ZFP64: variants seen among roughly 807,000 people sequenced by gnomAD.
ZFP64 encodes the protein ZFP64 zinc finger protein.
In ZFP64, 14 loss-of-function variants were observed where a neutral mutation model predicts 51.6. The observed-to-expected ratio is 0.27, with a 90% confidence interval of 0.18 to 0.42. The LOEUF (loss-of-function observed/expected upper bound fraction) is 0.42. Ranked by LOEUF, ZFP64 falls within the 10% of genes least tolerant of loss-of-function variation. The pLI, the probability that ZFP64 is intolerant of heterozygous loss-of-function variation, is 1.00. For synonymous variants in ZFP64, 375 were observed against 361.4 expected (o/e 1.04, Z -0.43); for missense variants, 754 against 906.8 (o/e 0.83, Z 2.16).
intron 5 of ZFP64, among the ~76,000 whole-genome samples, chr20:52,100,121 C>T (rs943958883): frequency 2.6e-5 from 4 of 152,112 alleles, no homozygotes; most frequent in African/African-American, 4.8e-5. Flanking sequence ...AGTCTCCCAA[C>T]GGGGACTACA....
At position 52,153,346 on chromosome 20, in the gene ZFP64, C is replaced by A. The variant is rs759594118; in HGVS notation, c.846G>T (p.Ser282=). 4 of 1,614,198 alleles carry A rather than the reference C, an allele frequency of 2.5e-6. No homozygotes were observed. Among genetic ancestry groups the A allele is most frequent in the African/African-American group, 2.7e-5 (2 of 75,056 alleles). Residue 282 remains serine (S), a synonymous_variant, in exon 6 of 6, where the codon TCG becomes TCT. Transcript: ENST00000216923. This position sits in a 1 kb window ranked among gnomAD's most constrained non-coding sequence, Gnocchi z 5.1. ...SDLKRHMRVH[S]GEKPFKCEFC... is the part of the protein sequence containing the mutation. ...ACTCGCACTTGAAAGGCTTCTCCCC[C>A]GAGTGCACCCGCATGTGCCTTTTCA...
chr20:52,106,825 G>T lies in ZFP64; in HGVS notation c.764-8238C>A, dbSNP rs538606977. Reference sequence around the variant, plus strand: ...AAAATATATACACGTGGCCGGGTGCGGTAGCTCACTCCTGTAATCCCAGCA... The same window carrying T: ...AAAATATATACACGTGGCCGGGTGCTGTAGCTCACTCCTGTAATCCCAGCA... On this transcript the variant is annotated intron_variant, in intron 5 of 8. Transcript: ENST00000361387. 3.9e-4 allele frequency among the ~76,000 whole-genome samples: 60 copies of T among 152,264 alleles called. 1 individual carries two copies. Among genetic ancestry groups the T allele is most frequent in the African/African-American group, 1.4e-3 (59 of 41,560 alleles).
chr20:52,151,419 C>A lies in ZFP64; in HGVS notation c.*727G>T, dbSNP rs931393366. On this transcript the variant is annotated 3_prime_UTR_variant, in exon 6 of 6. Coordinates refer to ENST00000216923, the MANE Select transcript of ZFP64 (RefSeq NM_018197.3). ...TGCCAACAGACTTACATGTATAAAA[C>A]ATGAACACCCCCAAACTCTGGGGAG... 1 of 985,146 alleles carries A rather than the reference C, an allele frequency of 1.0e-6. No homozygotes were observed. The highest frequency in any genetic ancestry group is 1.2e-6 in the Non-Finnish European group (1 of 829,932). The allele number at this position is 985,146 out of a possible 1,614,324, so 61.0% of individuals were successfully genotyped here. A position where few individuals can be genotyped will look rare whatever the true frequency, so the allele number is the denominator to read the frequency against.
intron 5 of ZFP64, among the ~76,000 whole-genome samples, chr20:52,100,211 G>A (rs113541795): frequency 2.0e-5 from 3 of 151,698 alleles, no homozygotes; most frequent in African/African-American, 7.3e-5. Context: ...GGATGGTCTC[G>A]ATCTCCTGAC....
intron 2 of ZFP64, among the ~76,000 whole-genome samples, chr20:52,180,993 C>T (rs1489254531): frequency 6.6e-6 from 1 of 152,114 alleles, no homozygotes; most frequent in Non-Finnish European, 1.5e-5. Flanking sequence ...ATGGCACGAT[C>T]TCCACTCACT....
chr20:52,163,668 G>A (rs1982009848), intron 4 of ZFP64, among the ~76,000 whole-genome samples: 1 of 152,202 alleles, frequency 6.6e-6, no homozygotes. Context: ...TCCAAAGGCT[G>A]AGGCTAAATA....
chr20:52,089,048 A>G (rs779196170), intron 7 of ZFP64: 1 of 519,886 alleles, frequency 1.9e-6, no homozygotes, highest in Admixed American at 1.9e-5. Flanking sequence ...ATCTCCCCCT[A>G]GGCTGTTGGT....
intron 4 of ZFP64, among the ~76,000 whole-genome samples, chr20:52,161,995 T>C (rs1353617782): frequency 1.3e-5 from 2 of 152,186 alleles, no homozygotes; most frequent in Non-Finnish European, 2.9e-5. Flanking sequence ...CATCTAAAAG[T>C]TTATTAAAGA....
At chr20:52,112,330 A>G (rs1978639100) in intron 5 of ZFP64, among the ~76,000 whole-genome samples, 1 of 152,196 alleles carries the variant, frequency 6.6e-6, no homozygotes, top group Admixed American at 6.5e-5. Flanking sequence ...AGTTATAGTT[A>G]TCTATGAAAG....
rs754173786 is a variant in ZFP64 at position 52,186,842 on chromosome 20, C to T, written c.276G>A (p.Gln92=). 1 of 1,608,404 alleles carries T rather than the reference C, an allele frequency of 6.2e-7. No homozygotes were observed. Among genetic ancestry groups the T allele is most frequent in the Non-Finnish European group, 8.5e-7 (1 of 1,175,362 alleles). ...ATGCTCCAGCTGTACCTGTGATTGTCTGGGTCTCCGAGGTGATGGTTCTGG... is the reference window on the plus strand; with the variant it reads ...ATGCTCCAGCTGTACCTGTGATTGTTTGGGTCTCCGAGGTGATGGTTCTGG... ...TTTRTITSET[Q]TITVSAPEFV... is the part of the protein sequence containing the mutation. Residue 92 remains glutamine, a synonymous_variant, in exon 2 of 6, where the codon CAG becomes CAA. Coordinates refer to ENST00000216923, the MANE Select transcript of ZFP64 (RefSeq NM_018197.3).
chr20:52,188,788 T>C (rs1479385914), intron 1 of ZFP64, among the ~76,000 whole-genome samples: 3 of 151,920 alleles, frequency 2.0e-5, no homozygotes, highest in East Asian at 3.9e-4. Context: ...CTGGCTAACA[T>C]GGTGAAACCC....
At chr20:52,088,879 T>C (rs2078891941) in intron 7 of ZFP64, 1 of 668,156 alleles carries the variant, frequency 1.5e-6, no homozygotes. Context: ...TGGAGAAAAT[T>C]ACAGGCCAAA....
intron 5 of ZFP64, among the ~76,000 whole-genome samples, chr20:52,101,998 G>A (rs1273876895): frequency 5.5e-5 from 8 of 146,672 alleles, no homozygotes; most frequent in Non-Finnish European, 1.2e-4. Context: ...TGTAATCCCA[G>A]CTACTCAGGA....
chr20:52,118,329 C>A (rs372751327), intron 5 of ZFP64, among the ~76,000 whole-genome samples: 1 of 151,926 alleles, frequency 6.6e-6, no homozygotes, highest in Non-Finnish European at 1.5e-5. Context: ...AAACAAACAG[C>A]CTCTAATTCA....
At chr20:52,135,111 G>T (rs1383588021) in intron 5 of ZFP64, among the ~76,000 whole-genome samples, 1 of 152,126 alleles carries the variant, frequency 6.6e-6, no homozygotes, top group East Asian at 1.9e-4. Context: ...TGATCTGTCT[G>T]CTTCGGCCTC....
At chr20:52,104,890 G>A in intron 5 of ZFP64, 2 of 674,254 alleles carry the variant, frequency 3.0e-6, no homozygotes, top group South Asian at 3.2e-5. Context: ...CAAACTCGTT[G>A]ACTAGCTCTT....
intron 5 of ZFP64, among the ~76,000 whole-genome samples, chr20:52,123,749 T>C (rs1392428103): frequency 2.6e-5 from 4 of 152,146 alleles, no homozygotes; most frequent in African/African-American, 9.7e-5. Context: ...GGTTTCAAAG[T>C]TGCTTTAAGA....
At chr20:52,188,940 C>T (rs1316494180) in intron 1 of ZFP64, among the ~76,000 whole-genome samples, 2 of 151,268 alleles carry the variant, frequency 1.3e-5, no homozygotes, top group Non-Finnish European at 2.9e-5. Flanking sequence ...TGTGCCACTG[C>T]ACTCCAGCCT....
At chr20:52,174,177 C>A (rs1982983869) in intron 2 of ZFP64, among the ~76,000 whole-genome samples, 1 of 152,064 alleles carries the variant, frequency 6.6e-6, no homozygotes, top group African/African-American at 2.4e-5. Flanking sequence ...GGGCTAACCT[C>A]TTTTATATAT....
Sources: gnomAD v4.1 joint callset for allele counts (sites outside exome capture counted in the v4.1 genomes callset) on GRCh38, gnomAD v4.1.1 for gene constraint, Gnocchi (gnomAD v3.1) non-coding constraint, MANE v1.5 for transcripts, NCBI Gene and HGNC (gene_info 2026-07-23, HGNC 2026-07-21) for gene names.